Variants in RIPOR2 observed in about 807,000 individuals in gnomAD.
The protein encoded by RIPOR2 is rho family-interacting cell polarization regulator 2.
Under a neutral mutation model 114.5 loss-of-function variants are expected in RIPOR2, and 39 were observed. That is an observed-to-expected ratio of 0.34 (90% CI 0.26 to 0.44). The LOEUF (loss-of-function observed/expected upper bound fraction) is 0.44. RIPOR2 is among the 20% of genes least tolerant of loss of function. RIPOR2 has a pLI of 1.00. For synonymous variants in RIPOR2, 445 were observed against 484.4 expected, an observed-to-expected ratio of 0.92 and a Z score of 1.07; for missense variants, 1,007 against 1,255.1, an observed-to-expected ratio of 0.80 and a Z score of 2.99.
chr6:24,821,675 A>G (rs531637876), intron 19 of RIPOR2, among the ~76,000 whole-genome samples: 1 of 152,310 alleles, frequency 6.6e-6, no homozygotes, highest in Admixed American at 6.5e-5. Context: ...CTTGAGGGTG[A>G]GCAGCCAAAA....
Position 25,041,885 on chromosome 6 carries a change from T to C in RIPOR2, c.42A>G (p.Pro14=), listed in dbSNP as rs1052438737. The stretch of plus-strand genomic sequence containing the variant: ...GGCGCCTCCGGATCCTGTCCCTCCA[T>C]GGCCTGTTTCTGATCCAGTGTAATC... The change falls in exon 1 of 14, where the codon CCA becomes CCG. Residue 14 remains proline (P), a synonymous_variant. Transcript: ENST00000510784. 14 of 702,830 alleles carry C rather than the reference T, an allele frequency of 2.0e-5. No homozygotes were observed. In the African/African-American group the frequency reaches 2.3e-4, roughly 11 times the overall value. The allele number at this position is 702,830 out of a possible 1,614,324, so 43.5% of individuals were successfully genotyped here. A position where few individuals can be genotyped will look rare whatever the true frequency, so the allele number is the denominator to read the frequency against.
chr6:24,873,637 T>G lies in RIPOR2; in HGVS notation c.344+7A>C, dbSNP rs1159388087. 6.2e-7 allele frequency: 1 copy of G among 1,611,678 alleles called. No individual in the cohort carries two copies. The highest frequency in any genetic ancestry group is 8.5e-7 in the Non-Finnish European group (1 of 1,179,158). On this transcript the variant is annotated splice_region_variant and intron_variant, in intron 3 of 21. Transcript: ENST00000643898. ...CTTAAAGTACATTATCAGGTTCAAG[T>G]TCTTACTCAAGTCCATTTTTCAAGG...
intron 1 of RIPOR2, among the ~76,000 whole-genome samples, chr6:24,949,946 G>A (rs987502785): frequency 6.6e-6 from 1 of 152,220 alleles, no homozygotes; most frequent in Admixed American, 6.5e-5. Flanking sequence ...TATTGTGAGT[G>A]AGTGAGGTGG....
intron 1 of RIPOR2, among the ~76,000 whole-genome samples, chr6:25,034,780 G>A (rs1043856156): frequency 3.3e-5 from 5 of 151,882 alleles, no homozygotes; most frequent in Non-Finnish European, 7.4e-5. Context: ...GTCCATCCTC[G>A]GCTGGAGACA....
At chr6:24,938,051 T>A (rs184096867), upstream of RIPOR2, among the ~76,000 whole-genome samples, 1 of 152,262 alleles carries the variant, frequency 6.6e-6, no homozygotes, top group Non-Finnish European at 1.5e-5. Context: ...TCTCCCCTGT[T>A]GAATTCATAT....
intron 1 of RIPOR2, among the ~76,000 whole-genome samples, chr6:24,993,257 T>C (rs936110114): frequency 1.3e-5 from 2 of 152,254 alleles, no homozygotes; most frequent in Non-Finnish European, 2.9e-5. Context: ...TGAATCTGGG[T>C]GCTCCTGTGT....
chr6:24,843,333 T>C lies in RIPOR2; in HGVS notation c.1386A>G (p.Ser462=). The C allele has an allele frequency of 6.2e-7, 1 of 1,613,854 alleles. No individual in the cohort carries two copies. Among genetic ancestry groups the C allele is most frequent in the Non-Finnish European group, 8.5e-7 (1 of 1,179,780 alleles). The change falls in exon 13 of 22, where the codon TCA becomes TCG. Residue 462 remains serine (S), a synonymous_variant. Transcript: ENST00000643898. ...SQNEGMDDTS[S]ASSRNSLGEG... ...CTCCCAGGGAGTTCCTGGAAGATGC[T>C]GAGCTGGTGTCATCCATACCCTCAT... is the stretch of plus-strand genomic sequence containing the variant.
At chr6:24,903,312 T>C (rs943998454) in intron 1 of RIPOR2, among the ~76,000 whole-genome samples, 5 of 152,206 alleles carry the variant, frequency 3.3e-5, no homozygotes, top group Admixed American at 2.6e-4. Context: ...AGAAATCACA[T>C]TCTCTATTGA....
chr6:24,810,284 C>T (rs928657945), intron 20 of RIPOR2, among the ~76,000 whole-genome samples: 1 of 152,164 alleles, frequency 6.6e-6, no homozygotes, highest in Non-Finnish European at 1.5e-5. Context: ...TTCTGATGAT[C>T]AGCTAAATTC....
intron 1 of RIPOR2, among the ~76,000 whole-genome samples, chr6:25,034,512 T>C (rs1042112953): frequency 6.6e-6 from 1 of 152,196 alleles, no homozygotes; most frequent in Non-Finnish European, 1.5e-5. Flanking sequence ...ACTAGCTTAA[T>C]GCTTCTGAGA....
intron 19 of RIPOR2, among the ~76,000 whole-genome samples, chr6:24,821,204 T>G (rs1759672983): frequency 7.6e-6 from 1 of 131,378 alleles, no homozygotes; most frequent in South Asian, 2.3e-4. Flanking sequence ...TTTTTTGAGA[T>G]GGAGTGTTGC....
chr6:24,879,411 C>A (rs916056563), intron 1 of RIPOR2, among the ~76,000 whole-genome samples: 5 of 152,162 alleles, frequency 3.3e-5, no homozygotes, highest in African/African-American at 1.2e-4. Context: ...AGGAATGTGA[C>A]TAGAGTGAGC....
chr6:24,924,755 G>A (rs1007458013), intron 1 of RIPOR2, among the ~76,000 whole-genome samples: 1 of 152,184 alleles, frequency 6.6e-6, no homozygotes, highest in Non-Finnish European at 1.5e-5. Flanking sequence ...TACAAAAGGG[G>A]AAGAGGAAGA....
Position 24,989,797 on chromosome 6 carries a change from C to T in RIPOR2, c.76+52054G>A, listed in dbSNP as rs887771312. ...CGGTGATCCCAGCACTTTGGGAGGC[C>T]GAGGCAGGTGGATCATGAGGTCAGG... On this transcript the variant is annotated intron_variant, in intron 1 of 13. Transcript: ENST00000510784. 4.6e-5 allele frequency among the ~76,000 whole-genome samples: 7 copies of T among 151,580 alleles called. No homozygotes were observed. The East Asian group carries it at 5.9e-4, about 13-fold the overall frequency.
intron 1 of RIPOR2, among the ~76,000 whole-genome samples, chr6:24,970,303 C>A (rs1773722904): frequency 2.6e-5 from 4 of 152,276 alleles, no homozygotes; most frequent in Admixed American, 2.6e-4. Flanking sequence ...GCCTCTATAC[C>A]ACCCAATGAT....
chr6:25,019,997 C>T (rs1208757139), intron 1 of RIPOR2, among the ~76,000 whole-genome samples: 2 of 151,528 alleles, frequency 1.3e-5, no homozygotes, highest in East Asian at 1.9e-4. Context: ...TGTATATAAA[C>T]AAAAGACTAG....
At chr6:24,967,909 CTTTTT>C (rs35997558) in intron 1 of RIPOR2, among the ~76,000 whole-genome samples, 7 of 123,514 alleles carry the variant, frequency 5.7e-5, no homozygotes, top group Admixed American at 8.2e-5. Context: ...AGATCTCAAT[CTTTTT>C]TTTTTTTTTT....
chr6:24,845,756 G>A (rs1278485710), intron 12 of RIPOR2, among the ~76,000 whole-genome samples: 1 of 152,218 alleles, frequency 6.6e-6, no homozygotes, highest in East Asian at 1.9e-4. Flanking sequence ...TGAGGGAAGG[G>A]CCCCAATGAG....
At chr6:25,000,797 A>G (rs1775275347) in intron 1 of RIPOR2, among the ~76,000 whole-genome samples, 1 of 152,186 alleles carries the variant, frequency 6.6e-6, no homozygotes, top group African/African-American at 2.4e-5. Flanking sequence ...GTTCCCCAGC[A>G]TGCTGGACCA....
Sources: gnomAD v4.1 joint callset for allele counts (sites outside exome capture counted in the v4.1 genomes callset) on GRCh38, gnomAD v4.1.1 for gene constraint, MANE v1.5 for transcripts, NCBI Gene and HGNC (gene_info 2026-07-23, HGNC 2026-07-21) for gene names.